HERC3: variants seen among roughly 807,000 people sequenced by gnomAD.
The protein encoded by HERC3 is HECT and RLD domain containing E3 ubiquitin protein ligase 3, also known as probable E3 ubiquitin-protein ligase HERC3.
HERC3 carries 58 observed loss-of-function variants against 129.9 expected under a neutral mutation model. That is an observed-to-expected ratio of 0.45 (90% CI 0.36 to 0.56). The LOEUF is 0.56. Ranked by LOEUF, HERC3 falls within the 20% of genes least tolerant of loss-of-function variation. HERC3 has a pLI of 0.00. For synonymous variants in HERC3, 430 were observed against 451.0 expected (o/e 0.95, Z 0.59); for missense variants, 835 against 1,244.2 (o/e 0.67, Z 4.95).
At chr4:88,576,816 A>C in the HERC3 span, among the ~76,000 whole-genome samples, 5 of 152,110 alleles carry the variant, frequency 3.3e-5, no homozygotes, top group African/African-American at 1.2e-4. Flanking sequence ...AGTTTCATAT[A>C]ATAAAGCCTA....
chr4:88,538,912 G>A, the HERC3 span, among the ~76,000 whole-genome samples: 18 of 152,212 alleles, frequency 1.2e-4, no homozygotes, highest in Middle Eastern at 3.4e-3. Flanking sequence ...TCATTTTACT[G>A]TCATTTCATA....
rs1733510522 is a variant in HERC3 at position 88,686,713 on chromosome 4, CT to C, written c.2508-19del. 2.6e-6 allele frequency: 4 copies of C among 1,562,762 alleles called. No homozygotes were observed. The African/African-American group carries it at 4.1e-5, about 16-fold the overall frequency. ...AGCAGTGTCTGACTTGCCACTTTTC[CT>C]TTTCTGTCATTCTATGATTAGGAGT... On this transcript the variant is annotated intron_variant, in intron 21 of 25. Transcript: ENST00000402738.
the HERC3 span, among the ~76,000 whole-genome samples, chr4:88,557,332 T>G: frequency 6.6e-6 from 1 of 152,208 alleles, no homozygotes; most frequent in Non-Finnish European, 1.5e-5. Context: ...TAGCATGGAC[T>G]CAATAAGTAG....
At chr4:88,542,682 T>C in the HERC3 span, among the ~76,000 whole-genome samples, 2 of 151,786 alleles carry the variant, frequency 1.3e-5, no homozygotes, top group South Asian at 4.2e-4. Flanking sequence ...AATGTGAAAA[T>C]CCTCAATAAA....
chr4:88,575,871 T>C, the HERC3 span, among the ~76,000 whole-genome samples: 213 of 152,318 alleles, frequency 1.4e-3, 1 homozygote, highest in African/African-American at 4.9e-3. Flanking sequence ...AAATACTGCC[T>C]ATTTTCTTAG....
At chr4:88,680,473 T>C (rs1263421004) in intron 20 of HERC3, among the ~76,000 whole-genome samples, 5 of 152,244 alleles carry the variant, frequency 3.3e-5, no homozygotes, top group Non-Finnish European at 7.3e-5. Context: ...AAGATCCAAG[T>C]CTTGTTATCT....
the HERC3 span, among the ~76,000 whole-genome samples, chr4:88,547,928 T>C: frequency 1.3e-5 from 2 of 152,196 alleles, no homozygotes; most frequent in African/African-American, 2.4e-5. Flanking sequence ...AGTGCTGGGA[T>C]TACAGGTAAG....
At chr4:88,555,682 C>A in the HERC3 span, among the ~76,000 whole-genome samples, 11,464 of 152,180 alleles carry the variant, frequency 0.075, 610 homozygotes, top group East Asian at 0.27. Flanking sequence ...GAATTTTTAT[C>A]TAACCTGAAA....
At chr4:88,621,946 T>A (rs1725564467) in intron 3 of HERC3, among the ~76,000 whole-genome samples, 1 of 152,232 alleles carries the variant, frequency 6.6e-6, no homozygotes, top group South Asian at 2.1e-4. Context: ...TTTGGACCCA[T>A]CCTCCACTGT....
At chr4:88,523,902 C>T in the HERC3 span, 3 of 551,574 alleles carry the variant, frequency 5.4e-6, no homozygotes, top group Admixed American at 7.8e-5. Context: ...CATCTATAGT[C>T]CGGAGGACAG....
chr4:88,553,465 C>T, the HERC3 span, among the ~76,000 whole-genome samples: 6 of 151,910 alleles, frequency 3.9e-5, no homozygotes, highest in Non-Finnish European at 8.8e-5. Flanking sequence ...TCACATTTGA[C>T]AATAATATTT....
At position 88,701,435 on chromosome 4, in the gene HERC3, C is replaced by A. The variant is rs565006934; in HGVS notation, c.2658-2663C>A. On this transcript the variant is annotated intron_variant, in intron 23 of 25. Coordinates refer to ENST00000402738, the MANE Select transcript of HERC3 (RefSeq NM_014606.3). ...GTAAAAACTATCTGCTTGGAGGAAA[C>A]CCAATAATTCAAATGTAGCTTTATG... Among the ~76,000 whole-genome samples the A allele has an allele frequency of 6.6e-5, 10 of 152,240 alleles. No individual in the cohort carries two copies. In the East Asian group the frequency reaches 1.9e-3, roughly 29 times the overall value.
At chr4:88,555,805 T>C in the HERC3 span, among the ~76,000 whole-genome samples, 1 of 152,180 alleles carries the variant, frequency 6.6e-6, no homozygotes, top group Non-Finnish European at 1.5e-5. Flanking sequence ...TTAAGTTTGA[T>C]ACGATGAGAA....
the HERC3 span, among the ~76,000 whole-genome samples, chr4:88,575,324 G>C: frequency 6.6e-6 from 1 of 152,146 alleles, no homozygotes; most frequent in Admixed American, 6.6e-5. Flanking sequence ...TAAAAACCGT[G>C]TTCCCTAAGA....
At chr4:88,673,915 A>G (rs1466312981) in intron 16 of HERC3, among the ~76,000 whole-genome samples, 1 of 151,960 alleles carries the variant, frequency 6.6e-6, no homozygotes, top group Non-Finnish European at 1.5e-5. Flanking sequence ...AGGCTTCCAT[A>G]TCTTCCTGCC....
chr4:88,577,269 C>G, the HERC3 span, among the ~76,000 whole-genome samples: 2 of 152,128 alleles, frequency 1.3e-5, no homozygotes, highest in Non-Finnish European at 2.9e-5. Context: ...CAAACAAGTA[C>G]CCTAAAGTTC....
intron 3 of HERC3, among the ~76,000 whole-genome samples, chr4:88,631,849 G>C (rs1726801808): frequency 6.6e-6 from 1 of 152,158 alleles, no homozygotes; most frequent in South Asian, 2.1e-4. Flanking sequence ...TTCTGGGAAG[G>C]ATGGATAAGT....
At chr4:88,666,877 A>G (rs1731102053) in intron 12 of HERC3, among the ~76,000 whole-genome samples, 1 of 152,196 alleles carries the variant, frequency 6.6e-6, no homozygotes, top group Admixed American at 6.5e-5. Flanking sequence ...GATCATTTTT[A>G]TTTTAAATAC....
intron 2 of HERC3, among the ~76,000 whole-genome samples, chr4:88,596,436 T>C (rs1445449536): frequency 6.6e-6 from 1 of 152,114 alleles, no homozygotes; most frequent in Non-Finnish European, 1.5e-5. Context: ...TGGTTACAAG[T>C]TGAGGTGGTG....
Sources: allele counts gnomAD v4.1 joint callset (sites outside exome capture counted in the v4.1 genomes callset), GRCh38; gene constraint gnomAD v4.1.1; transcripts MANE v1.5; gene names NCBI Gene and HGNC (gene_info 2026-07-23, HGNC 2026-07-21).